DMRTC2: variants seen among roughly 807,000 people sequenced by gnomAD.
The protein encoded by DMRTC2 is doublesex- and mab-3-related transcription factor C2.
A neutral mutation model predicts 39.9 loss-of-function variants in DMRTC2; 13 were observed. That is an observed-to-expected ratio of 0.33 (90% CI 0.21 to 0.52). The LOEUF is 0.52. Ranked by LOEUF, DMRTC2 falls within the 20% of genes least tolerant of loss-of-function variation. The pLI is 0.96. For missense variants in DMRTC2, 431 were observed against 472.8 expected (o/e 0.91, Z 0.82); for synonymous variants, 189 against 185.2 (o/e 1.02, Z -0.17).
At chr19:41,849,058 T>C (rs1402674358) in intron 5 of DMRTC2, 72 bp from the exon 6 acceptor site, 3 of 1,611,662 alleles carry the variant, frequency 1.9e-6, no homozygotes, top group African/African-American at 1.3e-5. Flanking sequence ...GAAGAAAGCA[T>C]AGGTGGGGAG....
chr19:41,851,677 C>G lies in DMRTC2; in HGVS notation c.1085C>G (p.Ser362Cys), dbSNP rs1555837419. ...SVALHIGRLG[S>C]ISLLS ...GCTCTGCATATTGGCCGTCTGGGGT[C>G]CATCTCCCTCCTGAGCTAGAAACCC... The change falls in exon 9 of 9, where the codon TCC becomes TGC. Residue 362 changes from serine to cysteine, a missense_variant. Physicochemically the swap from Ser to Cys is moderately radical, Grantham distance 112. Transcript: ENST00000269945. 1 of 1,614,022 alleles carries G rather than the reference C, an allele frequency of 6.2e-7. No homozygotes were observed. Among genetic ancestry groups the G allele is most frequent in the Admixed American group, 1.7e-5 (1 of 60,010 alleles).
chr19:41,847,863 A>G lies in DMRTC2; in HGVS notation c.352A>G (p.Thr118Ala), dbSNP rs1434740785. The change falls in exon 3 of 9, where the codon ACT becomes GCT. Residue 118 changes from threonine to alanine, a missense_variant. Coordinates refer to ENST00000269945, the MANE Select transcript of DMRTC2 (RefSeq NM_001040283.3). ...KAPNHFRKGT[T>A]QPQVPSGKEN... ...TCCCAACCACTTCAGAAAGGGAACC[A>G]CTCAGCCACAGGTCCCCTGTGAGTG... is the stretch of plus-strand genomic sequence containing the variant. 4 of 1,585,456 alleles carry G rather than the reference A, an allele frequency of 2.5e-6. No homozygotes were observed. The East Asian group carries it at 6.9e-5, about 27-fold the overall frequency.
At chr19:41,848,997 C>A (rs906983346) in intron 5 of DMRTC2, 22 bp downstream of exon 5, 1 of 1,613,646 alleles carries the variant, frequency 6.2e-7, no homozygotes, top group Non-Finnish European at 8.5e-7. Context: ...ATTCAACATT[C>A]ATTCAACATA....
In DMRTC2 at chr19:41,851,593, G is replaced by C; in HGVS notation, c.1001G>C (p.Gly334Ala). The C allele has an allele frequency of 1.2e-6, 2 of 1,614,116 alleles. No homozygotes were observed. Among genetic ancestry groups the C allele is most frequent in the Non-Finnish European group, 1.7e-6 (2 of 1,179,992 alleles). The change falls in exon 9 of 9, where the codon GGA becomes GCA. Residue 334 changes from glycine (G) to alanine (A), a missense_variant. Transcript: ENST00000269945. ...LHPCGPPAPA[G>A]GRGFQPVGPC... ...TCCTTCTTGCCTGTAGCTCCTGCTG[G>C]AGGAAGAGGATTCCAGCCTGTTGGC...
At chr19:41,848,998 A>G (rs1555836731) in intron 5 of DMRTC2, 23 bp downstream of exon 5, 1 of 1,613,804 alleles carries the variant, frequency 6.2e-7, no homozygotes, top group Non-Finnish European at 8.5e-7. Context: ...TTCAACATTC[A>G]TTCAACATAT....
At position 41,848,484 on chromosome 19, in the gene DMRTC2, A is replaced by AC; in HGVS notation, c.409dup (p.His137ProfsTer76). On this transcript the variant is annotated frameshift_variant, in exon 4 of 9. Coordinates refer to ENST00000269945, the MANE Select transcript of DMRTC2 (RefSeq NM_001040283.3). LOFTEE classifies it high-confidence loss of function. ...GGAGAACATAGCACCCCAGCCTCAG[A>AC]CCCCCCATGGGGCAGTCCTGCTGGC... 1.2e-6 allele frequency: 2 copies of AC among 1,601,040 alleles called. No homozygotes were observed. Among genetic ancestry groups the AC allele is most frequent in the Non-Finnish European group, 1.7e-6 (2 of 1,174,546 alleles).
At chr19:41,846,804 T>C (rs1555835998) in intron 1 of DMRTC2, among the ~76,000 whole-genome samples, 1 of 151,860 alleles carries the variant, frequency 6.6e-6, no homozygotes, top group Non-Finnish European at 1.5e-5. Context: ...CCTGACCTTG[T>C]GATCCACCCG....
intron 6 of DMRTC2, 122 bp from the exon 7 acceptor site, chr19:41,850,190 T>C: frequency 1.3e-6 from 1 of 780,278 alleles, no homozygotes; most frequent in Non-Finnish European, 1.9e-6. Flanking sequence ...AGACACAGCT[T>C]AATGGCCCAG....
intron 3 of DMRTC2, among the ~76,000 whole-genome samples, 174 bp from the exon 4 acceptor site, chr19:41,848,278 G>A (rs782650566): frequency 1.4e-4 from 22 of 152,106 alleles, no homozygotes; most frequent in Non-Finnish European, 2.6e-4. Context: ...CCCAGGAGGC[G>A]GAGGTTGTAG....
Position 41,847,724 on chromosome 19 carries a change from C to T in DMRTC2, c.225-12C>T. On this transcript the variant is annotated splice_polypyrimidine_tract_variant and intron_variant, in intron 2 of 8. Coordinates refer to ENST00000269945, the MANE Select transcript of DMRTC2 (RefSeq NM_001040283.3). ...GGTGGCTGACCTTTGACTTGCAACT[C>T]CCCACTTTTAGGGAGCGCCGCAGGG... 2 of 1,614,078 alleles carry T rather than the reference C, an allele frequency of 1.2e-6. No homozygotes were observed. Among genetic ancestry groups the T allele is most frequent in the South Asian group, 1.1e-5 (1 of 91,088 alleles).
At chr19:41,845,498 A>G (rs1225012799) in intron 1 of DMRTC2, 2 of 152,342 alleles carry the variant, frequency 1.3e-5, no homozygotes, top group African/African-American at 4.8e-5. Flanking sequence ...CATTTGTGGA[A>G]TGAATGAAGG....
Position 41,847,852 on chromosome 19 carries a change from G to C in DMRTC2, c.341G>C (p.Arg114Thr). The C allele has an allele frequency of 6.3e-7, 1 of 1,591,156 alleles. No homozygotes were observed. The highest frequency in any genetic ancestry group is 8.6e-7 in the Non-Finnish European group (1 of 1,168,280). The change falls in exon 3 of 9, where the codon AGA becomes ACA. Residue 114 changes from arginine to threonine, a missense_variant. Physicochemically the swap from Arg to Thr is moderately conservative, Grantham distance 71. Coordinates refer to ENST00000269945, the MANE Select transcript of DMRTC2 (RefSeq NM_001040283.3). ...EASPKAPNHF[R>T]KGTTQPQVPS... is the part of the protein sequence containing the mutation. ...TCTCCCAAAGCTCCCAACCACTTCA[G>C]AAAGGGAACCACTCAGCCACAGGTC... is the stretch of plus-strand genomic sequence containing the variant.
At position 41,847,565 on chromosome 19, in the gene DMRTC2, G is replaced by A. The variant is rs150751049; in HGVS notation, c.137G>A (p.Arg46His). 6.8e-6 allele frequency: 11 copies of A among 1,613,990 alleles called. 1 individual carries two copies. The highest frequency in any genetic ancestry group is 2.7e-5 in the African/African-American group (2 of 74,928). Reference protein sequence around the residue: ...ISRSPTCARCRNHGVTAHLKG... With the variant: ...ISRSPTCARCHNHGVTAHLKG... ...CGCTCTCCAACCTGCGCCCGCTGCC[G>A]CAACCATGGTGTCACCGCCCATCTC... The change falls in exon 2 of 9, where the codon CGC becomes CAC. Residue 46 changes from arginine to histidine, a missense_variant. Arg to His is a conservative substitution (Grantham distance 29, BLOSUM62 0). Coordinates refer to ENST00000269945, the MANE Select transcript of DMRTC2 (RefSeq NM_001040283.3).
intron 1 of DMRTC2, among the ~76,000 whole-genome samples, chr19:41,846,990 A>ATT (rs2073868566): frequency 6.6e-6 from 1 of 151,930 alleles, no homozygotes; most frequent in Non-Finnish European, 1.5e-5. Context: ...AGCCTGGCCA[A>ATT]CATGGTGAAA....
At chr19:41,846,033 G>A (rs892134556) in intron 1 of DMRTC2, among the ~76,000 whole-genome samples, 1 of 151,890 alleles carries the variant, frequency 6.6e-6, no homozygotes, top group East Asian at 1.9e-4. Context: ...AGAAAGTGGA[G>A]CAGGGAATCC....
At position 41,850,297 on chromosome 19, in the gene DMRTC2, T is replaced by C; in HGVS notation, c.756-15T>C. 6.7e-7 allele frequency: 1 copy of C among 1,484,706 alleles called. No homozygotes were observed. The allele number at this position is 1,484,706 out of a possible 1,614,324, so 92.0% of individuals were successfully genotyped here. On this transcript the variant is annotated splice_polypyrimidine_tract_variant and intron_variant, in intron 6 of 8. Transcript: ENST00000269945. ...TCTGTTTAACCACCCTGGCATCTTC[T>C]CTCCTTGTTTCTAGACACTCAACTC... is the stretch of plus-strand genomic sequence containing the variant.
At chr19:41,850,426 A>T in intron 7 of DMRTC2, 54 bp downstream of exon 7, 1 of 1,564,484 alleles carries the variant, frequency 6.4e-7, no homozygotes, top group Non-Finnish European at 8.7e-7. Flanking sequence ...AGCCTGGGGA[A>T]GGAAAAAGCA....
Position 41,851,814 on chromosome 19 carries a change from G to T in DMRTC2, c.*118G>T. 1 of 907,858 alleles carries T rather than the reference G, an allele frequency of 1.1e-6. No homozygotes were observed. Among genetic ancestry groups the T allele is most frequent in the Non-Finnish European group, 1.7e-6 (1 of 603,182 alleles). The allele number at this position is 907,858 out of a possible 1,614,324, so 56.2% of individuals were successfully genotyped here. On this transcript the variant is annotated 3_prime_UTR_variant, in exon 9 of 9. Coordinates refer to ENST00000269945, the MANE Select transcript of DMRTC2 (RefSeq NM_001040283.3). ...GAATTTAATGTAGTACAAGCTTCGG[G>T]CTTTTTTGTTTGTTTGTTTGTTTGT...
chr19:41,845,874 T>C (rs562605251), intron 1 of DMRTC2, among the ~76,000 whole-genome samples: 77 of 151,496 alleles, frequency 5.1e-4, no homozygotes, highest in African/African-American at 1.8e-3. Context: ...GAGCCAAGCA[T>C]AGTGGCTCCA....
Sources: allele counts gnomAD v4.1 joint callset (sites outside exome capture counted in the v4.1 genomes callset), GRCh38; gene constraint gnomAD v4.1.1; transcripts MANE v1.5; gene names NCBI Gene and HGNC (gene_info 2026-07-23, HGNC 2026-07-21).